The following INHBA variants were observed in gnomAD, a reference collection of about 807,000 sequenced individuals.
INHBA encodes inhibin beta A chain.
A neutral mutation model predicts 29.0 loss-of-function variants in INHBA; 1 was observed. That is an observed-to-expected ratio of 0.03 (90% CI 0.01 to 0.16). The LOEUF is 0.16. Ranked by LOEUF, INHBA falls within the 10% of genes least tolerant of loss-of-function variation. The pLI, the probability that INHBA is intolerant of heterozygous loss-of-function variation, is 1.00. For missense variants in INHBA, 376 were observed against 545.4 expected (o/e 0.69, Z 3.09); for synonymous variants, 242 against 216.8 (o/e 1.12, Z -1.02).
chr7:41,696,079 G>A (rs1473155954), intron 2 of INHBA, among the ~76,000 whole-genome samples: 2 of 152,066 alleles, frequency 1.3e-5, no homozygotes, highest in African/African-American at 4.8e-5. Context: ...CCTCAGTTCG[G>A]AAACAAACGC....
chr7:41,700,570 T>C, intron 1 of INHBA, 53 bp from the exon 2 acceptor site: 1 of 491,848 alleles, frequency 2.0e-6, no homozygotes. Context: ...GGTTCCTCTC[T>C]GAATGCAGTC....
chr7:41,690,371 T>C lies in INHBA; in HGVS notation c.560A>G (p.Asp187Gly). The change falls in exon 3 of 3, where the codon GAC (aspartate) becomes GGC (glycine). Residue 187 changes from aspartate to glycine, a missense_variant. Asp to Gly is a moderately conservative substitution (Grantham distance 94, BLOSUM62 -1). Transcript: ENST00000242208. ...CACTTCCTCGGCCTCTTCCCCTGTG[T>C]CCAAGCTGCCCTGCGGGTGCTTCTG... ...QQQKHPQGSLDTGEEAEEVGL... is the reference protein window; with the variant it reads ...QQQKHPQGSLGTGEEAEEVGL... The C allele has an allele frequency of 6.2e-7, 1 of 1,614,118 alleles. No homozygotes were observed. Among genetic ancestry groups the C allele is most frequent in the Admixed American group, 1.7e-5 (1 of 60,034 alleles).
intron 2 of INHBA, among the ~76,000 whole-genome samples, chr7:41,693,023 C>T (rs914025850): frequency 6.6e-6 from 1 of 152,184 alleles, no homozygotes; most frequent in African/African-American, 2.4e-5. Context: ...AGCTTGGGCA[C>T]ATCTGCCTTG....
Position 41,697,103 on chromosome 7 carries a change from T to C in INHBA, c.388+2884A>G, listed in dbSNP as rs568242985. Among the ~76,000 whole-genome samples, 449 of 152,322 alleles carry C rather than the reference T, an allele frequency of 2.9e-3. 3 individuals carry two copies. Among genetic ancestry groups the C allele is most frequent in the South Asian group, 7.2e-3 (35 of 4,828 alleles). On this transcript the variant is annotated intron_variant, in intron 2 of 2. Coordinates refer to ENST00000242208, the MANE Select transcript of INHBA (RefSeq NM_002192.4). ...TAAAATAAAAATAAGCTGCATCAGC[T>C]GAAAAGGCCACTGAATTTAGCTTCA... is the stretch of plus-strand genomic sequence containing the variant.
Position 41,686,922 on chromosome 7 carries a change from G to A in INHBA, c.*2728C>T, listed in dbSNP as rs1196064054. On this transcript the variant is annotated 3_prime_UTR_variant, in exon 3 of 3. Transcript: ENST00000242208. ...TCTCACACTGTTTCTGCAGGTTCCG[G>A]TACCAAAGAAGATGCAGTTCAAAAT... The A allele has an allele frequency of 6.6e-6, 1 of 152,138 alleles. No individual in the cohort carries two copies. The highest frequency in any genetic ancestry group is 6.5e-5 in the Admixed American group (1 of 15,278). 9.4% of individuals were successfully genotyped at this position (152,138 alleles called of 1,614,324 possible). A position where few individuals can be genotyped will look rare whatever the true frequency, so the allele number is the denominator to read the frequency against.
chr7:41,697,341 C>A (rs1286920424), intron 2 of INHBA, among the ~76,000 whole-genome samples: 1 of 151,988 alleles, frequency 6.6e-6, no homozygotes, highest in African/African-American at 2.4e-5. Context: ...AGAGTGATTC[C>A]CTGCTGTTTA....
At chr7:41,698,886 C>T (rs1447621895) in intron 2 of INHBA, among the ~76,000 whole-genome samples, 2 of 152,242 alleles carry the variant, frequency 1.3e-5, no homozygotes, top group Non-Finnish European at 2.9e-5. Flanking sequence ...CCTGCACATA[C>T]TTTACTGGCC....
intron 2 of INHBA, among the ~76,000 whole-genome samples, chr7:41,699,071 C>G (rs1435901322): frequency 6.6e-6 from 1 of 152,214 alleles, no homozygotes; most frequent in Non-Finnish European, 1.5e-5. Context: ...TAAAAATAGC[C>G]TGGCTCCAAG....
Position 41,687,847 on chromosome 7 carries a change from G to T in INHBA, c.*1803C>A, listed in dbSNP as rs1401054665. ...GCCTAAATATTATTTTTCTGAAAAA[G>T]CTTCTGATTTAAGATTGATTCCAAT... is the stretch of plus-strand genomic sequence containing the variant. On this transcript the variant is annotated 3_prime_UTR_variant, in exon 3 of 3. Coordinates refer to ENST00000242208, the MANE Select transcript of INHBA (RefSeq NM_002192.4). The T allele has an allele frequency of 6.6e-6, 1 of 152,074 alleles. No homozygotes were observed. The highest frequency in any genetic ancestry group is 1.5e-5 in the Non-Finnish European group (1 of 68,018). The allele number at this position is 152,074 out of a possible 1,614,324, so 9.4% of individuals were successfully genotyped here.
At position 41,690,355 on chromosome 7, in the gene INHBA, G is replaced by T. The variant is rs536410391; in HGVS notation, c.576C>A (p.Ala192=). 3 of 1,613,850 alleles carry T rather than the reference G, an allele frequency of 1.9e-6. No homozygotes were observed. Among genetic ancestry groups the T allele is most frequent in the East Asian group, 2.2e-5 (1 of 44,844 alleles). Residue 192 remains alanine, a synonymous_variant, in exon 3 of 3, where the codon GCC becomes GCA. Transcript: ENST00000242208. ...PQGSLDTGEE[A]EEVGLKGERS... is the part of the protein sequence containing the mutation. ...TCTCCCCCTTTAAGCCCACTTCCTCGGCCTCTTCCCCTGTGTCCAAGCTGC... is the reference window on the plus strand; with the variant it reads ...TCTCCCCCTTTAAGCCCACTTCCTCTGCCTCTTCCCCTGTGTCCAAGCTGC...
Position 41,690,294 on chromosome 7 carries a change from C to A in INHBA, c.637G>T (p.Ala213Ser), listed in dbSNP as rs762543780. The change falls in exon 3 of 3, where the codon GCT becomes TCT. Residue 213 changes from alanine to serine, a missense_variant. By Grantham distance (99) the Ala-to-Ser change is moderately conservative. Around this residue, in one of 4 missense-constraint regions of INHBA, gnomAD observed 253 missense variants for 313.4 expected, o/e 0.81. Coordinates refer to ENST00000242208, the MANE Select transcript of INHBA (RefSeq NM_002192.4). ...AAGACATGCCAGGTGCTCTTCCGAG[C>A]GTCTACTACTTTTTCAGAGAGCAAC... ...ELLLSEKVVDARKSTWHVFPV... is the reference protein window; with the variant it reads ...ELLLSEKVVDSRKSTWHVFPV... The A allele has an allele frequency of 3.1e-6, 5 of 1,613,932 alleles. No individual in the cohort carries two copies. Among genetic ancestry groups the A allele is most frequent in the Non-Finnish European group, 4.2e-6 (5 of 1,180,018 alleles).
intron 2 of INHBA, among the ~76,000 whole-genome samples, chr7:41,695,343 C>T (rs1277468839): frequency 6.6e-6 from 1 of 152,166 alleles, no homozygotes; most frequent in Non-Finnish European, 1.5e-5. Flanking sequence ...TTTAATTTTC[C>T]ATTCTTCATC....
rs147795656 is a variant in INHBA at position 41,700,102 on chromosome 7, A to G, written c.273T>C (p.His91=). 202 of 1,613,884 alleles carry G rather than the reference A, an allele frequency of 1.3e-4. No individual in the cohort carries two copies. The African/African-American group carries it at 2.0e-3, about 16-fold the overall frequency. The change falls in exon 2 of 3, where the codon CAT becomes CAC. Residue 91 remains histidine, a synonymous_variant. Transcript: ENST00000242208. ...ACCCGTTCTCCCCGACTTTGCCCAC[A>G]TGAAGCTTTCTGATCGCGTTCAGAA... ...AALLNAIRKL[H]VGKVGENGYV...
In INHBA at chr7:41,700,063, C is replaced by T; in HGVS notation, c.312G>A (p.Glu104=). The part of the protein sequence containing the change: ...KVGENGYVEI[E]DDIGRRAEMN... Reference sequence around the variant, plus strand: ...TTTCTGCCCTCCTTCCAATGTCATCCTCTATCTCCACATACCCGTTCTCCC... The same window carrying T: ...TTTCTGCCCTCCTTCCAATGTCATCTTCTATCTCCACATACCCGTTCTCCC... Residue 104 remains glutamate (E), a synonymous_variant, in exon 2 of 3, where the codon GAG becomes GAA. Transcript: ENST00000242208. 1 of 1,613,264 alleles carries T rather than the reference C, an allele frequency of 6.2e-7. No homozygotes were observed. Among genetic ancestry groups the T allele is most frequent in the African/African-American group, 1.3e-5 (1 of 74,822 alleles).
rs1794397624 is a variant in INHBA, at chr7:41,686,547, T to C, written c.*3103A>G. The C allele has an allele frequency of 6.6e-6, 1 of 152,202 alleles. No individual in the cohort carries two copies. Among genetic ancestry groups the C allele is most frequent in the Non-Finnish European group, 1.5e-5 (1 of 68,026 alleles). 9.4% of individuals were successfully genotyped at this position (152,202 alleles called of 1,614,324 possible). On this transcript the variant is annotated 3_prime_UTR_variant, in exon 3 of 3. Coordinates refer to ENST00000242208, the MANE Select transcript of INHBA (RefSeq NM_002192.4). ...TGATTAAAGATGGTAAAATACTATC[T>C]TTCAATGTTATCAAAAAATGGTAGC...
rs1025246187 is a variant in INHBA at position 41,700,458 on chromosome 7, T to C, written c.-84A>G. The C allele has an allele frequency of 5.5e-6, 7 of 1,268,986 alleles. No homozygotes were observed. Among genetic ancestry groups the C allele is most frequent in the Non-Finnish European group, 7.2e-6 (7 of 967,154 alleles). The allele number at this position is 1,268,986 out of a possible 1,614,324, so 78.6% of individuals were successfully genotyped here. On this transcript the variant is annotated 5_prime_UTR_variant, in exon 2 of 3. Coordinates refer to ENST00000242208, the MANE Select transcript of INHBA (RefSeq NM_002192.4). ...TCACGCGCAGGTTTTTTTGTGTGTG[T>C]GGATTTTTTTATTTTTTTTTTTGGT...
At chr7:41,690,664 A>T in intron 2 of INHBA, 122 bp from the exon 3 acceptor site, 2 of 1,249,888 alleles carry the variant, frequency 1.6e-6, no homozygotes, top group South Asian at 3.2e-5. Context: ...ATAGGGGTCA[A>T]CAAATGACAG....
upstream of INHBA, among the ~76,000 whole-genome samples, chr7:41,705,109 G>A (rs910774825): frequency 1.3e-5 from 2 of 152,192 alleles, no homozygotes; most frequent in African/African-American, 4.8e-5. Context: ...TCTAGACTGG[G>A]AATCAGCTTT....
In INHBA at chr7:41,689,981, T is replaced by C; in HGVS notation, c.950A>G (p.Lys317Arg). The change falls in exon 3 of 3, where the codon AAG becomes AGG. Residue 317 changes from lysine (K) to arginine (R), a missense_variant. Lys to Arg is a conservative substitution (Grantham distance 26). This residue lies in a region of INHBA where 253 missense variants were observed against 313.4 expected (regional missense o/e 0.81). Coordinates refer to ENST00000242208, the MANE Select transcript of INHBA (RefSeq NM_002192.4). The part of the protein sequence containing the change: ...RRRRGLECDG[K>R]VNICCKKQFF... ...CTGTTTCTTACAGCAGATGTTGACCTTGCCATCACACTCCAAGCCCCGCCG... is the reference window on the plus strand; with the variant it reads ...CTGTTTCTTACAGCAGATGTTGACCCTGCCATCACACTCCAAGCCCCGCCG... 1 of 1,614,054 alleles carries C rather than the reference T, an allele frequency of 6.2e-7. No homozygotes were observed. The highest frequency in any genetic ancestry group is 8.5e-7 in the Non-Finnish European group (1 of 1,180,038).
Sources: allele counts gnomAD v4.1 joint callset (sites outside exome capture counted in the v4.1 genomes callset), GRCh38; gene constraint gnomAD v4.1.1; regional missense constraint gnomAD v4.1.1; transcripts MANE v1.5; gene names NCBI Gene and HGNC (gene_info 2026-07-23, HGNC 2026-07-21).